DYNC2I2: variants seen among roughly 807,000 people sequenced by gnomAD.
DYNC2I2 encodes cytoplasmic dynein 2 intermediate chain 2.
DYNC2I2 carries 39 observed loss-of-function variants against 52.0 expected under a neutral mutation model. That is an observed-to-expected ratio of 0.75 (90% CI 0.58 to 0.98). The LOEUF is 0.98. DYNC2I2 is among the 50% of genes least tolerant of loss of function. DYNC2I2 has a pLI of 0.00. For missense variants in DYNC2I2, 743 were observed against 728.4 expected, an observed-to-expected ratio of 1.02 and a Z score of -0.23; for synonymous variants, 359 against 321.1, an observed-to-expected ratio of 1.12 and a Z score of -1.26.
chr9:128,646,804 G>A (rs1860624894), intron 1 of DYNC2I2, among the ~76,000 whole-genome samples: 1 of 152,018 alleles, frequency 6.6e-6, no homozygotes, highest in Non-Finnish European at 1.5e-5. Flanking sequence ...GCAACATGGG[G>A]AAACCCAGTC....
Position 128,656,756 on chromosome 9 carries a change from C to T in DYNC2I2, c.-30G>A, listed in dbSNP as rs1007644169. On this transcript the variant is annotated 5_prime_UTR_variant, in exon 1 of 9. Coordinates refer to ENST00000372715, the MANE Select transcript of DYNC2I2 (RefSeq NM_052844.4). ...ACGGTTCCGCCCTCTCGTGCGGACG[C>T]ACTCAGGCGCGACCTCCGCCCCTAC... 2 of 1,331,986 alleles carry T rather than the reference C, an allele frequency of 1.5e-6. No individual in the cohort carries two copies. Among genetic ancestry groups the T allele is most frequent in the African/African-American group, 1.5e-5 (1 of 65,480 alleles). The allele number at this position is 1,331,986 out of a possible 1,614,324, so 82.5% of individuals were successfully genotyped here.
chr9:128,634,593 A>G, intron 7 of DYNC2I2, 96 bp downstream of exon 7: 1 of 1,360,144 alleles, frequency 7.4e-7, no homozygotes, highest in Non-Finnish European at 9.9e-7. Flanking sequence ...GCAGAAGGCA[A>G]GCACTTGAAG....
intron 3 of DYNC2I2, 44 bp from the exon 4 acceptor site, chr9:128,636,482 C>T: frequency 1.3e-6 from 2 of 1,555,316 alleles, no homozygotes; most frequent in African/African-American, 2.7e-5. Flanking sequence ...CTGGGTGGGG[C>T]TCCTATCACC....
Position 128,635,787 on chromosome 9 carries a change from G to A in DYNC2I2, c.704-20C>T, listed in dbSNP as rs746025874. On this transcript the variant is annotated intron_variant, in intron 4 of 8. Transcript: ENST00000372715. ...GCCCTCCTGCAGGGACAGTGGACCT[G>A]GGCAGAGGCTCAGCCCCACCCCCAG... is the stretch of plus-strand genomic sequence containing the variant. 6 of 1,597,038 alleles carry A rather than the reference G, an allele frequency of 3.8e-6. No individual in the cohort carries two copies. In the Middle Eastern group the frequency reaches 4.9e-4, roughly 132 times the overall value.
At chr9:128,666,121 G>A in the DYNC2I2 span, among the ~76,000 whole-genome samples, 1 of 151,618 alleles carries the variant, frequency 6.6e-6, no homozygotes, top group Non-Finnish European at 1.5e-5. Context: ...AAATATTTTG[G>A]AAAAATAACT....
At chr9:128,635,069 G>C (rs751788510) in intron 6 of DYNC2I2, 23 bp downstream of exon 6, 1 of 1,601,276 alleles carries the variant, frequency 6.2e-7, no homozygotes, top group Admixed American at 1.7e-5. Context: ...GCAGGCCAGG[G>C]CAGTTTCCGG....
chr9:128,664,412 A>G, the DYNC2I2 span, among the ~76,000 whole-genome samples: 2 of 152,250 alleles, frequency 1.3e-5, no homozygotes, highest in South Asian at 2.1e-4. Flanking sequence ...TAGACACTCT[A>G]TAAGTATTGT....
the DYNC2I2 span, chr9:128,684,153 TGAA>T: frequency 1.5e-6 from 1 of 660,188 alleles, no homozygotes; most frequent in East Asian, 2.9e-5. Flanking sequence ...TAAGTTTGCG[TGAA>T]GAACCAGAAG....
the DYNC2I2 span, among the ~76,000 whole-genome samples, chr9:128,680,267 G>T: frequency 6.6e-6 from 1 of 151,936 alleles, no homozygotes; most frequent in Non-Finnish European, 1.5e-5. Flanking sequence ...TGCCATGTTG[G>T]CCTAGCTGGT....
Position 128,649,688 on chromosome 9 carries a change from C to CAAAAAA in DYNC2I2, c.186+6847_186+6852dup, listed in dbSNP as rs34154610. On this transcript the variant is annotated intron_variant, in intron 1 of 8. Coordinates refer to ENST00000372715, the MANE Select transcript of DYNC2I2 (RefSeq NM_052844.4). ...TGGGCAAGACAGTGAGACTCCATCT[C>CAAAAAA]AAAAAAAAAAAAAAAAAAAAACTGG... Among the ~76,000 whole-genome samples the CAAAAAA allele has an allele frequency of 6.5e-3, 307 of 47,222 alleles. 39 individuals carry two copies. The highest frequency in any genetic ancestry group is 0.034 in the African/African-American group (247 of 7,316). The allele number at this position is 47,222 out of a possible 152,430, so 31.0% of individuals were successfully genotyped here.
At chr9:128,664,051 C>T in the DYNC2I2 span, among the ~76,000 whole-genome samples, 8 of 150,754 alleles carry the variant, frequency 5.3e-5, no homozygotes, top group Non-Finnish European at 7.4e-5. Flanking sequence ...TTCACCTCCC[C>T]GGTACAAGCG....
the DYNC2I2 span, among the ~76,000 whole-genome samples, chr9:128,664,547 C>T: frequency 1.3e-5 from 2 of 151,384 alleles, no homozygotes; most frequent in Admixed American, 6.6e-5. Flanking sequence ...TGAAGTGTCG[C>T]GATCCTGGCT....
the DYNC2I2 span, among the ~76,000 whole-genome samples, chr9:128,679,026 G>A: frequency 6.4e-3 from 974 of 152,096 alleles, 9 homozygotes; most frequent in African/African-American, 0.023. Context: ...CCGAGATTGC[G>A]TCACTGCACT....
the DYNC2I2 span, among the ~76,000 whole-genome samples, chr9:128,680,354 C>G: frequency 1.3e-5 from 2 of 150,626 alleles, no homozygotes; most frequent in Non-Finnish European, 2.9e-5. Context: ...AGCCACTGTA[C>G]CTGGTCAATT....
the DYNC2I2 span, chr9:128,663,180 T>C: frequency 6.6e-6 from 1 of 152,140 alleles, no homozygotes; most frequent in Non-Finnish European, 1.5e-5. Context: ...TTTTTTTCAT[T>C]CTAGTAACTA....
At chr9:128,636,598 C>T (rs1860420629) in intron 3 of DYNC2I2, among the ~76,000 whole-genome samples, 160 bp from the exon 4 acceptor site, 1 of 152,146 alleles carries the variant, frequency 6.6e-6, no homozygotes, top group African/African-American at 2.4e-5. Context: ...TCTAGCACCC[C>T]AAGGGTGTGG....
chr9:128,640,597 T>C (rs1026724262), intron 2 of DYNC2I2, 94 bp downstream of exon 2: 3 of 1,533,180 alleles, frequency 2.0e-6, no homozygotes, highest in African/African-American at 1.4e-5. Flanking sequence ...GCCGTGATGA[T>C]GACTGGCACG....
In DYNC2I2 at chr9:128,650,960, C is replaced by T. The variant is rs1449132554; in HGVS notation, c.186+5581G>A. Reference sequence around the variant, plus strand: ...GCCAGGCTAGGAGCACAACCGGCACCCAGAATCTGTCGCCGCTGCTTGAAC... The same window carrying T: ...GCCAGGCTAGGAGCACAACCGGCACTCAGAATCTGTCGCCGCTGCTTGAAC... On this transcript the variant is annotated intron_variant, in intron 1 of 8. Transcript: ENST00000372715. The T allele has an allele frequency of 3.4e-5, 2 of 58,442 alleles. 1 individual carries two copies. Among genetic ancestry groups the T allele is most frequent in the East Asian group, 5.6e-4 (2 of 3,564 alleles). 3.6% of individuals were successfully genotyped at this position (58,442 alleles called of 1,614,324 possible). A position where few individuals can be genotyped will look rare whatever the true frequency, so the allele number is the denominator to read the frequency against.
At chr9:128,662,708 T>C in the DYNC2I2 span, among the ~76,000 whole-genome samples, 1 of 152,196 alleles carries the variant, frequency 6.6e-6, no homozygotes, top group South Asian at 2.1e-4. Context: ...GCCTACAGAG[T>C]AGCTGGGATT....
Sources: allele counts gnomAD v4.1 joint callset (sites outside exome capture counted in the v4.1 genomes callset), GRCh38; gene constraint gnomAD v4.1.1; transcripts MANE v1.5; gene names NCBI Gene and HGNC (gene_info 2026-07-23, HGNC 2026-07-21).